RPS6KB1: variants seen among roughly 807,000 people sequenced by gnomAD.
RPS6KB1 encodes the protein ribosomal protein S6 kinase beta-1.
RPS6KB1 carries 12 observed loss-of-function variants against 70.2 expected under a neutral mutation model. The observed-to-expected ratio is 0.17, with a 90% CI of 0.11 to 0.28. The LOEUF (loss-of-function observed/expected upper bound fraction) is 0.28, where lower values mean the gene tolerates loss of function less well. RPS6KB1 is among the 10% of genes least tolerant of loss of function. The pLI is 1.00. For missense variants in RPS6KB1, 270 were observed against 646.6 expected (o/e 0.42, Z 6.32); for synonymous variants, 175 against 211.2 (o/e 0.83, Z 1.49).
intron 1 of RPS6KB1, among the ~76,000 whole-genome samples, chr17:59,907,753 G>T (rs1313595782): frequency 6.6e-6 from 1 of 151,992 alleles, no homozygotes; most frequent in Admixed American, 6.6e-5. Flanking sequence ...TGTTGGCCAG[G>T]CTGGTCTTGA....
At chr17:59,925,138 CTTA>C (rs1230527571) in intron 4 of RPS6KB1, among the ~76,000 whole-genome samples, 3 of 152,022 alleles carry the variant, frequency 2.0e-5, no homozygotes, top group Non-Finnish European at 2.9e-5. Context: ...GCTGATTTTT[CTTA>C]TTTTTATAGC....
At chr17:59,908,350 G>A (rs1406015873) in intron 1 of RPS6KB1, among the ~76,000 whole-genome samples, 1 of 151,504 alleles carries the variant, frequency 6.6e-6, no homozygotes, top group Non-Finnish European at 1.5e-5. Context: ...CCACCACCAC[G>A]CCTGGCTAAT....
chr17:59,903,405 G>A (rs1327221925), intron 1 of RPS6KB1, among the ~76,000 whole-genome samples: 1 of 152,042 alleles, frequency 6.6e-6, no homozygotes, highest in African/African-American at 2.4e-5. Flanking sequence ...AGTCCAGGAG[G>A]TTGAGGCTGC....
At position 59,947,729 on chromosome 17, in the gene RPS6KB1, C is replaced by G; in HGVS notation, c.*941C>G. The G allele has an allele frequency of 1.5e-6, 1 of 659,084 alleles. No homozygotes were observed. The highest frequency in any genetic ancestry group is 2.8e-6 in the Non-Finnish European group (1 of 359,836). 40.8% of individuals were successfully genotyped at this position (659,084 alleles called of 1,614,324 possible). ...TACACCAGTATTTGGTTCAAGACAC[C>G]AAATGTCTTCAGCCCATGGCTGAAG... On this transcript the variant is annotated 3_prime_UTR_variant, in exon 15 of 15. Transcript: ENST00000225577.
At chr17:59,896,620 AT>A (rs1288984324) in intron 1 of RPS6KB1, among the ~76,000 whole-genome samples, 3 of 152,040 alleles carry the variant, frequency 2.0e-5, no homozygotes, top group Non-Finnish European at 4.4e-5. Context: ...AGCAAGTAGG[AT>A]TTTGAGAAGG....
chr17:59,921,991 A>G (rs1296783618), intron 4 of RPS6KB1, among the ~76,000 whole-genome samples: 1 of 151,770 alleles, frequency 6.6e-6, no homozygotes, highest in African/African-American at 2.4e-5. Context: ...TGCAGATTTC[A>G]TAGCACTTCA....
chr17:59,893,891 A>T lies in RPS6KB1; in HGVS notation c.141+566A>T. 2.0e-6 allele frequency: 2 copies of T among 984,446 alleles called. No individual in the cohort carries two copies. The allele number at this position is 984,446 out of a possible 1,614,324, so 61.0% of individuals were successfully genotyped here. A position where few individuals can be genotyped will look rare whatever the true frequency, so the allele number is the denominator to read the frequency against. ...CCACCAGGAGTTTTATTTCGGGAGC[A>T]AGGGGGCTCTGCTGCATCTTCCAAT... On this transcript the variant is annotated intron_variant, in intron 1 of 14. Transcript: ENST00000225577. The surrounding 1 kb of genome is among the most constrained non-coding windows in gnomAD (Gnocchi z 4.1).
intron 4 of RPS6KB1, among the ~76,000 whole-genome samples, chr17:59,915,057 C>T (rs1054298050): frequency 1.4e-4 from 21 of 150,860 alleles, no homozygotes; most frequent in Non-Finnish European, 2.5e-4. Context: ...GGTGCGATGT[C>T]GGCTCACTGC....
At chr17:59,908,281 C>T (rs530206469) in intron 1 of RPS6KB1, among the ~76,000 whole-genome samples, 140 of 151,666 alleles carry the variant, frequency 9.2e-4, no homozygotes, top group Middle Eastern at 3.4e-3. Context: ...CAACCTTTGC[C>T]TCCCGTATCC....
At position 59,948,546 on chromosome 17, in the gene RPS6KB1, A is replaced by T. The variant is rs1443429825; in HGVS notation, c.*1758A>T. The T allele has an allele frequency of 6.6e-6, 1 of 152,616 alleles. No individual in the cohort carries two copies. Among genetic ancestry groups the T allele is most frequent in the Non-Finnish European group, 1.5e-5 (1 of 68,024 alleles). The allele number at this position is 152,616 out of a possible 1,614,324, so 9.5% of individuals were successfully genotyped here. ...TGCAACTCAAATGAGATGGGATGAA[A>T]TCCTATGACAGTAAGCAAAAACAGA... is the stretch of plus-strand genomic sequence containing the variant. On this transcript the variant is annotated 3_prime_UTR_variant, in exon 15 of 15. Transcript: ENST00000225577.
Position 59,934,293 on chromosome 17 carries a change from G to A in RPS6KB1, c.779+33G>A, listed in dbSNP as rs1405868589. On this transcript the variant is annotated intron_variant, in intron 8 of 14. Transcript: ENST00000225577. The surrounding 1 kb of genome is among the most constrained non-coding windows in gnomAD (Gnocchi z 4.8). ...ACATGTTAAACATAATTGGTTTGGG[G>A]GTAATAGCTAATTTTACCTGTTTTA... The A allele has an allele frequency of 1.3e-6, 2 of 1,517,470 alleles. No homozygotes were observed. The highest frequency in any genetic ancestry group is 1.8e-6 in the Non-Finnish European group (2 of 1,092,318). 94.0% of individuals were successfully genotyped at this position (1,517,470 alleles called of 1,614,324 possible).
At chr17:59,895,468 C>T (rs1360446076) in intron 1 of RPS6KB1, among the ~76,000 whole-genome samples, 7 of 151,144 alleles carry the variant, frequency 4.6e-5, no homozygotes, top group African/African-American at 9.7e-5. Flanking sequence ...ATTACAGGGG[C>T]GCGCCACATC....
At chr17:59,922,800 T>C (rs1452921927) in intron 4 of RPS6KB1, among the ~76,000 whole-genome samples, 1 of 151,656 alleles carries the variant, frequency 6.6e-6, no homozygotes, top group African/African-American at 2.4e-5. Flanking sequence ...CACCTTGGCC[T>C]CCCAAAGTGC....
chr17:59,911,838 C>T (rs886082142), intron 2 of RPS6KB1, among the ~76,000 whole-genome samples: 3 of 151,936 alleles, frequency 2.0e-5, no homozygotes, highest in African/African-American at 4.8e-5. Flanking sequence ...TCAAGTGATC[C>T]GCCCACCTCA....
intron 1 of RPS6KB1, among the ~76,000 whole-genome samples, chr17:59,903,361 G>C (rs1237037185): frequency 2.0e-5 from 3 of 151,570 alleles, no homozygotes; most frequent in Non-Finnish European, 4.4e-5. Context: ...TGTAGTCCCA[G>C]CTGTTCGGGA....
intron 13 of RPS6KB1, among the ~76,000 whole-genome samples, chr17:59,941,145 T>TA (rs2044554462): frequency 6.6e-6 from 1 of 151,946 alleles, no homozygotes; most frequent in Admixed American, 6.6e-5. Context: ...TTTTAGCAAT[T>TA]AGAGTGGGAA....
At position 59,946,036 on chromosome 17, in the gene RPS6KB1, T is replaced by C. The variant is rs1380083242; in HGVS notation, c.1341-515T>C. On this transcript the variant is annotated intron_variant, in intron 14 of 14. Coordinates refer to ENST00000225577, the MANE Select transcript of RPS6KB1 (RefSeq NM_003161.4). This position sits in a 1 kb window ranked among gnomAD's most constrained non-coding sequence, Gnocchi z 4.2. ...TGATCAGAGAAAGGCCTCCCTGGTG[T>C]AGTAACATCTAGCAGTGAACGGAAA... 6.6e-6 allele frequency among the ~76,000 whole-genome samples: 1 copy of C among 152,136 alleles called. No homozygotes were observed. Among genetic ancestry groups the C allele is most frequent in the East Asian group, 1.9e-4 (1 of 5,194 alleles).
In RPS6KB1 at chr17:59,934,627, C is replaced by T; in HGVS notation, c.870+103C>T. 1.3e-6 allele frequency: 1 copy of T among 778,528 alleles called. No homozygotes were observed. The highest frequency in any genetic ancestry group is 1.7e-5 in the South Asian group (1 of 57,894). The allele number at this position is 778,528 out of a possible 1,614,324, so 48.2% of individuals were successfully genotyped here. A position where few individuals can be genotyped will look rare whatever the true frequency, so the allele number is the denominator to read the frequency against. ...CTGAACATGTTACCAGTGGAGTTTT[C>T]AAAGCCCAAAGATTTGTTATTAGCA... On this transcript the variant is annotated intron_variant, in intron 9 of 14. Transcript: ENST00000225577. This position sits in a 1 kb window ranked among gnomAD's most constrained non-coding sequence, Gnocchi z 4.8.
chr17:59,917,869 G>A (rs1355074671), intron 4 of RPS6KB1, among the ~76,000 whole-genome samples: 2 of 152,128 alleles, frequency 1.3e-5, no homozygotes, highest in Non-Finnish European at 2.9e-5. Flanking sequence ...TGGATCTCCT[G>A]GACCGATCAT....
Sources: allele counts gnomAD v4.1 joint callset (sites outside exome capture counted in the v4.1 genomes callset), GRCh38; gene constraint gnomAD v4.1.1; non-coding constraint Gnocchi (gnomAD v3.1); transcripts MANE v1.5; gene names NCBI Gene and HGNC (gene_info 2026-07-23, HGNC 2026-07-21).